The following GPC5 variants were observed in gnomAD, a reference collection of about 807,000 sequenced individuals.
GPC5 encodes glypican-5.
Under a neutral mutation model 53.9 loss-of-function variants are expected in GPC5, and 47 were observed. The observed-to-expected ratio is 0.87, with a 90% CI of 0.69 to 1.11. The LOEUF (loss-of-function observed/expected upper bound fraction) is 1.11. Among genes scored for constraint, GPC5 ranks in the 50% most tolerant of loss-of-function variants. The pLI is 0.00. For synonymous variants in GPC5, 286 were observed against 263.3 expected (o/e 1.09, Z -0.84); for missense variants, 748 against 713.1 (o/e 1.05, Z -0.56).
chr13:92,319,196 T>G (rs1468031729), intron 7 of GPC5, among the ~76,000 whole-genome samples: 1 of 152,168 alleles, frequency 6.6e-6, no homozygotes. Context: ...CTGTTGTATT[T>G]CTAACAAGTG....
intron 7 of GPC5, among the ~76,000 whole-genome samples, chr13:92,589,968 CA>C (rs1279294481): frequency 6.6e-6 from 1 of 152,110 alleles, no homozygotes; most frequent in Non-Finnish European, 1.5e-5. Flanking sequence ...TGATGAGTGC[CA>C]CCCAGGGAAG....
chr13:92,381,304 T>C lies in GPC5; in HGVS notation c.1561+236315T>C, dbSNP rs765780597. Among the ~76,000 whole-genome samples, 35 of 152,312 alleles carry C rather than the reference T, an allele frequency of 2.3e-4. 1 individual carries two copies. In the South Asian group the frequency reaches 5.0e-3, roughly 22 times the overall value. Reference sequence around the variant, plus strand: ...CTACATTTGTTCTCAGGTGCTTGATTTCCTGCATTGATAGTGACATTGGTT... The same window carrying C: ...CTACATTTGTTCTCAGGTGCTTGATCTCCTGCATTGATAGTGACATTGGTT... On this transcript the variant is annotated intron_variant, in intron 7 of 7. Coordinates refer to ENST00000377067, the MANE Select transcript of GPC5 (RefSeq NM_004466.6).
At chr13:91,910,313 G>C (rs964407572) in intron 6 of GPC5, among the ~76,000 whole-genome samples, 3 of 152,130 alleles carry the variant, frequency 2.0e-5, no homozygotes, top group African/African-American at 7.2e-5. Flanking sequence ...CACAATGTCA[G>C]CTATGAAAGG....
chr13:91,762,631 C>G (rs1440110893), intron 5 of GPC5, among the ~76,000 whole-genome samples: 1 of 147,328 alleles, frequency 6.8e-6, no homozygotes, highest in East Asian at 2.0e-4. Flanking sequence ...CAATCAGTTT[C>G]TCATATCCTT....
intron 2 of GPC5, among the ~76,000 whole-genome samples, chr13:91,586,526 A>C (rs1377783559): frequency 3.2e-5 from 1 of 31,048 alleles, no homozygotes; most frequent in South Asian, 1.0e-3. Flanking sequence ...ATATATATAT[A>C]TATATATATA....
chr13:91,572,035 GTGTATATACACACATATGTATATATACA>G (rs1443548029), intron 2 of GPC5, among the ~76,000 whole-genome samples: 5 of 110,676 alleles, frequency 4.5e-5, no homozygotes, highest in South Asian at 2.9e-4. Flanking sequence ...GTGTATATAT[GTGTATATACACACATATGTATATATACA>G]TGTATATACA....
rs549592834 is a variant in GPC5, at chr13:91,497,970, C to T, written c.325+49048C>T. Among the ~76,000 whole-genome samples the T allele has an allele frequency of 5.9e-5, 9 of 152,192 alleles. No homozygotes were observed. In the East Asian group the frequency reaches 1.7e-3, roughly 29 times the overall value. On this transcript the variant is annotated intron_variant, in intron 2 of 7. Transcript: ENST00000377067. ...AATCCAATTCTTGCCATTTCCCCTACTTTTGATTTTAATGTAAAGATTTAT... is the reference window on the plus strand; with the variant it reads ...AATCCAATTCTTGCCATTTCCCCTATTTTTGATTTTAATGTAAAGATTTAT...
rs892777541 is a variant in GPC5, at chr13:92,831,529, TAA to T, written c.1562-34752_1562-34751del. Among the ~76,000 whole-genome samples, 10 of 152,316 alleles carry T rather than the reference TAA, an allele frequency of 6.6e-5. 1 individual carries two copies. The South Asian group carries it at 1.9e-3, about 28-fold the overall frequency. On this transcript the variant is annotated intron_variant, in intron 7 of 7. Coordinates refer to ENST00000377067, the MANE Select transcript of GPC5 (RefSeq NM_004466.6). The stretch of plus-strand genomic sequence containing the variant: ...CAGTTTTCAGTGATTATTCAATTAT[TAA>T]GTTACTCTATTAGCAGTCTTTGTAT...
intron 7 of GPC5, among the ~76,000 whole-genome samples, chr13:92,412,482 C>T (rs934451802): frequency 1.3e-5 from 2 of 152,138 alleles, no homozygotes; most frequent in Admixed American, 6.5e-5. Context: ...CTATATGGCA[C>T]GTGAGCCAAG....
chr13:91,887,306 G>C (rs976173690), intron 5 of GPC5, among the ~76,000 whole-genome samples: 1 of 152,100 alleles, frequency 6.6e-6, no homozygotes, highest in Non-Finnish European at 1.5e-5. Flanking sequence ...AAGTCTCTAG[G>C]CTGCACACAG....
chr13:92,623,454 A>G (rs1400189080), intron 7 of GPC5, among the ~76,000 whole-genome samples: 1 of 152,248 alleles, frequency 6.6e-6, no homozygotes, highest in African/African-American at 2.4e-5. Context: ...ACACCTGCAC[A>G]TGCTTCACAG....
chr13:91,986,061 C>CTTTTTTTTTTTTTTTTTTTTTTTTTT (rs779259362), intron 6 of GPC5, among the ~76,000 whole-genome samples: 1 of 95,438 alleles, frequency 1.0e-5, no homozygotes, highest in Non-Finnish European at 1.9e-5. Flanking sequence ...TTAGCCAATA[C>CTTTTTTTTTTTTTTTTTTTTTTTTTT]TTTTTTTTTT....
chr13:91,677,841 C>T (rs1023454977), intron 2 of GPC5, among the ~76,000 whole-genome samples: 1 of 152,098 alleles, frequency 6.6e-6, no homozygotes, highest in African/African-American at 2.4e-5. Flanking sequence ...TTAAAAAGGG[C>T]TGCTAGTATC....
intron 7 of GPC5, among the ~76,000 whole-genome samples, chr13:92,694,923 G>A (rs1887515228): frequency 6.6e-6 from 1 of 152,164 alleles, no homozygotes. Context: ...GAGGTGATTA[G>A]ATCGGTGTAG....
At chr13:91,585,658 C>A (rs892762482) in intron 2 of GPC5, among the ~76,000 whole-genome samples, 1 of 152,048 alleles carries the variant, frequency 6.6e-6, no homozygotes, top group Non-Finnish European at 1.5e-5. Context: ...CAAGAAGGAC[C>A]ACAAAGAAGT....
intron 7 of GPC5, among the ~76,000 whole-genome samples, chr13:92,286,004 G>A (rs141498951): frequency 0.048 from 7,275 of 152,060 alleles, 604 homozygotes; most frequent in African/African-American, 0.17. Context: ...CTGACAAAGG[G>A]CTAATATCCA....
At chr13:92,608,552 T>C in intron 7 of GPC5, among the ~76,000 whole-genome samples, 1 of 152,170 alleles carries the variant, frequency 6.6e-6, no homozygotes, top group East Asian at 1.9e-4. Flanking sequence ...GGAAAATTTG[T>C]AATATAAATG....
intron 6 of GPC5, among the ~76,000 whole-genome samples, chr13:92,025,432 T>C (rs2040793239): frequency 6.6e-6 from 1 of 152,188 alleles, no homozygotes. Flanking sequence ...TTAGTTTTCT[T>C]CCCTTCACTT....
At chr13:91,405,189 A>G (rs1594043010) in intron 1 of GPC5, among the ~76,000 whole-genome samples, 1 of 152,236 alleles carries the variant, frequency 6.6e-6, no homozygotes, top group South Asian at 2.1e-4. Context: ...TTACATTACT[A>G]TACGTTAGGG....
Sources: allele counts gnomAD v4.1 joint callset (sites outside exome capture counted in the v4.1 genomes callset), GRCh38; gene constraint gnomAD v4.1.1; transcripts MANE v1.5; gene names NCBI Gene and HGNC (gene_info 2026-07-23, HGNC 2026-07-21).